SAP130: variants seen among roughly 807,000 people sequenced by gnomAD.
SAP130 encodes the protein histone deacetylase complex subunit SAP130.
A neutral mutation model predicts 103.2 loss-of-function variants in SAP130; 16 were observed. That is an observed-to-expected ratio of 0.16 (90% CI 0.10 to 0.24). SAP130 has a LOEUF of 0.24. Among genes scored for constraint, SAP130 ranks in the 10% least tolerant of loss-of-function variants. The probability of loss-of-function intolerance (pLI) is 1.00; values close to 1 mark genes in which losing one functional copy is unlikely to be tolerated. For missense variants in SAP130, 990 were observed against 1,359.7 expected (o/e 0.73, Z 4.28); for synonymous variants, 477 against 497.0 (o/e 0.96, Z 0.53).
At chr2:128,020,315 T>C (rs1685065719) in intron 2 of SAP130, among the ~76,000 whole-genome samples, 1 of 152,208 alleles carries the variant, frequency 6.6e-6, no homozygotes, top group Non-Finnish European at 1.5e-5. Context: ...TTTGGCCCTA[T>C]TCTAGCCACT....
chr2:127,977,560 T>C (rs1681557781), intron 15 of SAP130, among the ~76,000 whole-genome samples: 1 of 152,062 alleles, frequency 6.6e-6, no homozygotes, highest in African/African-American at 2.4e-5. Context: ...CCATAGCAAC[T>C]GGGTGTTTGC....
chr2:127,951,797 G>A (rs1288965522), intron 16 of SAP130, among the ~76,000 whole-genome samples: 1 of 152,196 alleles, frequency 6.6e-6, no homozygotes, highest in African/African-American at 2.4e-5. Flanking sequence ...GTTAAGTCCA[G>A]TCTCTCTTGG....
Position 128,028,046 on chromosome 2 carries a change from G to A in SAP130, c.-113C>T, listed in dbSNP as rs1037639801. On this transcript the variant is annotated 5_prime_UTR_variant, in exon 1 of 21. Transcript: ENST00000643581. Reference sequence around the variant, plus strand: ...GCTCCGGACCCGCAGCCACCGCCGGGGAGCTAGCACTCTGCCCCCCACCCC... The same window carrying A: ...GCTCCGGACCCGCAGCCACCGCCGGAGAGCTAGCACTCTGCCCCCCACCCC... 2.7e-5 allele frequency: 25 copies of A among 923,444 alleles called. No homozygotes were observed. The highest frequency in any genetic ancestry group is 3.2e-5 in the Non-Finnish European group (25 of 773,196). The allele number at this position is 923,444 out of a possible 1,614,324, so 57.2% of individuals were successfully genotyped here. A position where few individuals can be genotyped will look rare whatever the true frequency, so the allele number is the denominator to read the frequency against.
Position 127,947,754 on chromosome 2 carries a change from T to TTGTG in SAP130, c.2797+2111_2797+2114dup, listed in dbSNP as rs1491251653. On this transcript the variant is annotated intron_variant, in intron 18 of 20. Coordinates refer to ENST00000643581, the MANE Select transcript of SAP130 (RefSeq NM_001330301.2). ...TCATATTGTGTGAATTAATTTTGTATTGTGTGTGTCTGTGTGTGTGTGTGT... is the reference window on the plus strand; with the variant it reads ...TCATATTGTGTGAATTAATTTTGTATTGTGTGTGTGTGTCTGTGTGTGTGTGTGT... Among the ~76,000 whole-genome samples, 19 of 28,672 alleles carry TTGTG rather than the reference T, an allele frequency of 6.6e-4. No homozygotes were observed. In the South Asian group the frequency reaches 0.012, roughly 19 times the overall value. The allele number at this position is 28,672 out of a possible 152,430, so 18.8% of individuals were successfully genotyped here.
At chr2:127,983,649 A>C (rs1394777713) in intron 14 of SAP130, among the ~76,000 whole-genome samples, 1 of 152,148 alleles carries the variant, frequency 6.6e-6, no homozygotes, top group Non-Finnish European at 1.5e-5. Flanking sequence ...AGGGCACAGT[A>C]CAAGGGTCTT....
At position 127,982,634 on chromosome 2, in the gene SAP130, G is replaced by A. The variant is rs150945301; in HGVS notation, c.1958+4151C>T. On this transcript the variant is annotated intron_variant, in intron 14 of 20. Transcript: ENST00000643581. ...ATGGGCTGCTTTAAGACCTTAGTGC[G>A]TCTGCGAGGCTAAGCAAGACCAGTT... is the stretch of plus-strand genomic sequence containing the variant. Among the ~76,000 whole-genome samples the A allele has an allele frequency of 3.8e-3, 579 of 152,286 alleles. 3 individuals carry two copies. The highest frequency in any genetic ancestry group is 5.7e-3 in the Non-Finnish European group (391 of 68,022).
intron 18 of SAP130, among the ~76,000 whole-genome samples, chr2:127,947,479 G>T (rs1679164017): frequency 6.6e-6 from 1 of 152,100 alleles, no homozygotes; most frequent in African/African-American, 2.4e-5. Flanking sequence ...GAGGAATATT[G>T]ATCTGTCATT....
intron 15 of SAP130, among the ~76,000 whole-genome samples, chr2:127,956,438 G>C (rs1056322577): frequency 1.3e-5 from 2 of 152,034 alleles, no homozygotes; most frequent in African/African-American, 2.4e-5. Flanking sequence ...CCTGGGGCTT[G>C]CATTTGGCGT....
intron 4 of SAP130, 89 bp from the exon 5 acceptor site, chr2:128,015,003 G>A: frequency 9.4e-7 from 1 of 1,059,986 alleles, no homozygotes; most frequent in Non-Finnish European, 1.4e-6. Flanking sequence ...TGTGGGTCAG[G>A]TTGTTTTTTA....
At chr2:128,015,145 A>G (rs1414517378) in intron 4 of SAP130, among the ~76,000 whole-genome samples, 1 of 152,230 alleles carries the variant, frequency 6.6e-6, no homozygotes, top group Non-Finnish European at 1.5e-5. Flanking sequence ...GCAGGCCCAC[A>G]TAATTACAGA....
intron 18 of SAP130, 27 bp from the exon 19 acceptor site, chr2:127,945,586 T>C (rs1679020550): frequency 7.8e-7 from 1 of 1,277,538 alleles, no homozygotes; most frequent in Non-Finnish European, 1.1e-6. Flanking sequence ...TAAAAATACA[T>C]GTATTTCAGT....
rs111768496 is a variant in SAP130 at position 127,971,531 on chromosome 2, C to A, written c.2063+6454G>T. Reference sequence around the variant, plus strand: ...CTCGATCTCCTGACCTCGTGATCTACCCGCCTTGGCCTCCCAAAGTGCTGG... The same window carrying A: ...CTCGATCTCCTGACCTCGTGATCTAACCGCCTTGGCCTCCCAAAGTGCTGG... On this transcript the variant is annotated intron_variant, in intron 15 of 20. Coordinates refer to ENST00000643581, the MANE Select transcript of SAP130 (RefSeq NM_001330301.2). 0.013 allele frequency among the ~76,000 whole-genome samples: 1,970 copies of A among 152,302 alleles called. 101 individuals carry two copies. In the East Asian group the frequency reaches 0.13, roughly 10 times the overall value.
Position 127,942,279 on chromosome 2 carries a change from T to C in SAP130, c.3016-115A>G. The stretch of plus-strand genomic sequence containing the variant: ...TGAGGCTTCCACAACAGAGAAAATG[T>C]CTTTTTGTTTCTCAGGAGTGCAGGC... On this transcript the variant is annotated intron_variant, in intron 20 of 20. Coordinates refer to ENST00000643581, the MANE Select transcript of SAP130 (RefSeq NM_001330301.2). This position sits in a 1 kb window ranked among gnomAD's most constrained non-coding sequence, Gnocchi z 4.8. 3.4e-6 allele frequency: 4 copies of C among 1,162,114 alleles called. No individual in the cohort carries two copies. Among genetic ancestry groups the C allele is most frequent in the South Asian group, 1.5e-5 (1 of 67,998 alleles). 72.0% of individuals were successfully genotyped at this position (1,162,114 alleles called of 1,614,324 possible).
chr2:128,027,388 C>A (rs893297700), intron 1 of SAP130: 18 of 1,140,872 alleles, frequency 1.6e-5, no homozygotes, highest in South Asian at 4.4e-5. Context: ...GCGACCTGCA[C>A]GTTCAGAGCC....
chr2:128,014,970 C>T (rs939059084), intron 4 of SAP130, 56 bp from the exon 5 acceptor site: 49 of 1,442,940 alleles, frequency 3.4e-5, no homozygotes, highest in Non-Finnish European at 4.2e-5. Flanking sequence ...GCCATTGCCT[C>T]TAGGAAGTCA....
At chr2:128,013,805 C>CT (rs1211962471) in intron 5 of SAP130, among the ~76,000 whole-genome samples, 1 of 152,168 alleles carries the variant, frequency 6.6e-6, no homozygotes, top group African/African-American at 2.4e-5. Flanking sequence ...TGGCTCACAC[C>CT]TGTAGTCCCA....
chr2:127,980,313 T>A (rs760240179), intron 14 of SAP130, among the ~76,000 whole-genome samples: 24 of 151,632 alleles, frequency 1.6e-4, no homozygotes, highest in Non-Finnish European at 2.6e-4. Context: ...AAAACAAATT[T>A]AAAAAAAAGA....
Position 128,010,405 on chromosome 2 carries a change from G to GA in SAP130, c.745-13dup. On this transcript the variant is annotated splice_polypyrimidine_tract_variant and intron_variant, in intron 6 of 20. Coordinates refer to ENST00000643581, the MANE Select transcript of SAP130 (RefSeq NM_001330301.2). ...ACAGGTGGCCGAGACTACCAAAAGA[G>GA]AAAAAACAGTTCATTTAAAACAAAA... is the stretch of plus-strand genomic sequence containing the variant. 1 of 1,597,408 alleles carries GA rather than the reference G, an allele frequency of 6.3e-7. No individual in the cohort carries two copies. The highest frequency in any genetic ancestry group is 1.1e-5 in the South Asian group (1 of 88,168).
rs909641441 is a variant in SAP130 at position 127,970,169 on chromosome 2, A to G, written c.2063+7816T>C. Among the ~76,000 whole-genome samples, 37 of 150,282 alleles carry G rather than the reference A, an allele frequency of 2.5e-4. 1 individual carries two copies. The highest frequency in any genetic ancestry group is 7.1e-4 in the African/African-American group (29 of 40,700). ...CTTGAACCTGGGAGGCAGAGGTTGCAGTAAGCCGAGATTACCTCACTGCAC... is the reference window on the plus strand; with the variant it reads ...CTTGAACCTGGGAGGCAGAGGTTGCGGTAAGCCGAGATTACCTCACTGCAC... On this transcript the variant is annotated intron_variant, in intron 15 of 20. Coordinates refer to ENST00000643581, the MANE Select transcript of SAP130 (RefSeq NM_001330301.2).
Sources: gnomAD v4.1 joint callset for allele counts (sites outside exome capture counted in the v4.1 genomes callset) on GRCh38, gnomAD v4.1.1 for gene constraint, Gnocchi (gnomAD v3.1) non-coding constraint, MANE v1.5 for transcripts, NCBI Gene and HGNC (gene_info 2026-07-23, HGNC 2026-07-21) for gene names.